Variants in ADGRL4 observed in about 807,000 individuals in gnomAD.
The protein encoded by ADGRL4 is adhesion G protein-coupled receptor L4.
In ADGRL4, 90 loss-of-function variants were observed where a neutral mutation model predicts 74.8. The ratio of observed to expected loss-of-function variants is 1.20; its 90% CI spans 1.02 to 1.43. ADGRL4 has a LOEUF of 1.43. Among genes scored for constraint, ADGRL4 ranks in the 40% most tolerant of loss-of-function variants. ADGRL4 has a pLI of 0.00. For synonymous variants in ADGRL4, 311 were observed against 279.2 expected (o/e 1.11, Z -1.14); for missense variants, 881 against 814.3 (o/e 1.08, Z -1.00).
chr1:78,944,021 C>T (rs182563059), intron 3 of ADGRL4, among the ~76,000 whole-genome samples: 6 of 152,242 alleles, frequency 3.9e-5, no homozygotes, highest in Non-Finnish European at 8.8e-5. Context: ...AAAGAGTCTT[C>T]AATTACAAAT....
At chr1:78,898,182 T>C (rs1272509532) in intron 12 of ADGRL4, among the ~76,000 whole-genome samples, 2 of 152,168 alleles carry the variant, frequency 1.3e-5, no homozygotes, top group South Asian at 2.1e-4. Flanking sequence ...CCAGAGGTGA[T>C]GACTTGGAGG....
chr1:78,983,046 C>T (rs753400083), intron 2 of ADGRL4, among the ~76,000 whole-genome samples: 15 of 151,752 alleles, frequency 9.9e-5, no homozygotes, highest in Non-Finnish European at 2.1e-4. Flanking sequence ...AATGACATGC[C>T]TATGATCATA....
At chr1:78,892,434 T>C (rs1361387179) in intron 13 of ADGRL4, among the ~76,000 whole-genome samples, 4 of 152,120 alleles carry the variant, frequency 2.6e-5, no homozygotes, top group Admixed American at 6.6e-5. Context: ...TCATTTTTAG[T>C]CCAGTCATTC....
chr1:78,975,300 GA>G (rs1650254540), intron 2 of ADGRL4, among the ~76,000 whole-genome samples: 1 of 152,030 alleles, frequency 6.6e-6, no homozygotes, highest in South Asian at 2.1e-4. Flanking sequence ...AGTACTTCAT[GA>G]TACTAATAAT....
chr1:78,914,410 G>A (rs957827209), intron 12 of ADGRL4, among the ~76,000 whole-genome samples: 6 of 151,804 alleles, frequency 4.0e-5, no homozygotes, highest in East Asian at 1.9e-4. Context: ...CAATTAACAC[G>A]GTGAACTTAA....
intron 3 of ADGRL4, 100 bp from the exon 4 acceptor site, chr1:78,939,358 T>G: frequency 8.8e-7 from 1 of 1,136,352 alleles, no homozygotes; most frequent in South Asian, 2.9e-5. Flanking sequence ...ATTTAAATAT[T>G]AAAAAGACAT....
intron 12 of ADGRL4, among the ~76,000 whole-genome samples, chr1:78,905,861 T>C (rs1648623735): frequency 6.6e-6 from 1 of 151,994 alleles, no homozygotes; most frequent in Non-Finnish European, 1.5e-5. Context: ...TTTCGAAAAA[T>C]TACATTTTTA....
chr1:78,936,337 T>C lies in ADGRL4; in HGVS notation c.835A>G (p.Ile279Val). Residue 279 changes from isoleucine to valine, a missense_variant, in exon 7 of 15, where the codon ATA (isoleucine) becomes GTA (valine). Transcript: ENST00000370742. ...HPHMNMDGDY[I>V]NIFPKRKAAY... Reference sequence around the variant, plus strand: ...GCTTTTCTCTTTGGAAATATATTTATGTAGTCTCCATCCATATTCATATGA... The same window carrying C: ...GCTTTTCTCTTTGGAAATATATTTACGTAGTCTCCATCCATATTCATATGA... 6.3e-7 allele frequency: 1 copy of C among 1,596,262 alleles called. No individual in the cohort carries two copies. The highest frequency in any genetic ancestry group is 1.4e-5 in the African/African-American group (1 of 73,766).
chr1:78,928,183 G>C (rs780617989), intron 7 of ADGRL4, among the ~76,000 whole-genome samples: 1 of 151,218 alleles, frequency 6.6e-6, no homozygotes, highest in African/African-American at 2.5e-5. Flanking sequence ...AATATAAGAA[G>C]GATTTTTAAA....
At chr1:78,957,429 G>A (rs1649858578) in intron 2 of ADGRL4, among the ~76,000 whole-genome samples, 2 of 152,160 alleles carry the variant, frequency 1.3e-5, no homozygotes, top group Admixed American at 6.6e-5. Flanking sequence ...AATTAAAAGT[G>A]CCACTCCAGT....
At chr1:78,958,012 T>C (rs1272385560) in intron 2 of ADGRL4, among the ~76,000 whole-genome samples, 1 of 152,098 alleles carries the variant, frequency 6.6e-6, no homozygotes, top group African/African-American at 2.4e-5. Context: ...GCTTGTGCTC[T>C]ATAAAGAAAC....
At chr1:78,975,613 G>T (rs1650261109) in intron 2 of ADGRL4, among the ~76,000 whole-genome samples, 1 of 151,618 alleles carries the variant, frequency 6.6e-6, no homozygotes, top group East Asian at 1.9e-4. Flanking sequence ...CCAACTCAGG[G>T]GTTATCTTGA....
rs1650633773 is a variant in ADGRL4 at position 78,992,755 on chromosome 1, T to C, written c.172+12315A>G. On this transcript the variant is annotated intron_variant, in intron 2 of 14. Transcript: ENST00000370742. ...CAATTTTTATGCCAGACAAATTTGA[T>C]TTGTTCCATTTTTTATCAATCCAAA... Among the ~76,000 whole-genome samples, 3 of 152,124 alleles carry C rather than the reference T, an allele frequency of 2.0e-5. No homozygotes were observed. In the South Asian group the frequency reaches 6.2e-4, roughly 31 times the overall value.
At chr1:78,902,662 A>G (rs919724798) in intron 12 of ADGRL4, among the ~76,000 whole-genome samples, 2 of 152,236 alleles carry the variant, frequency 1.3e-5, no homozygotes, top group Non-Finnish European at 2.9e-5. Context: ...ATTTATTTAC[A>G]TGCATAGCTA....
chr1:78,941,030 T>C (rs1649464724), intron 3 of ADGRL4, among the ~76,000 whole-genome samples: 1 of 152,178 alleles, frequency 6.6e-6, no homozygotes, highest in Non-Finnish European at 1.5e-5. Context: ...ATTCAAAATC[T>C]GTACTACCCA....
chr1:78,894,956 T>C (rs191127452), intron 12 of ADGRL4, among the ~76,000 whole-genome samples: 1 of 152,122 alleles, frequency 6.6e-6, no homozygotes, highest in African/African-American at 2.4e-5. Flanking sequence ...AAGTTCACAT[T>C]CATTTTGGAT....
At chr1:78,926,833 G>T (rs192685791) in intron 8 of ADGRL4, 53 bp downstream of exon 8, 108 of 1,333,894 alleles carry the variant, frequency 8.1e-5, no homozygotes, top group Non-Finnish European at 1.1e-4. Flanking sequence ...AAAGAGTCCA[G>T]TTCTCTGACT....
chr1:78,986,522 AATC>A (rs1225051946), intron 2 of ADGRL4, among the ~76,000 whole-genome samples: 5 of 151,810 alleles, frequency 3.3e-5, no homozygotes, highest in African/African-American at 1.2e-4. Context: ...GAGAAGAAAG[AATC>A]ACCTGAACTC....
chr1:78,950,256 A>T (rs1195352711), intron 2 of ADGRL4, among the ~76,000 whole-genome samples: 1 of 152,172 alleles, frequency 6.6e-6, no homozygotes, highest in Non-Finnish European at 1.5e-5. Context: ...CAAAGGAAGA[A>T]GTTTACCTAA....
Sources: gnomAD v4.1 joint callset for allele counts (sites outside exome capture counted in the v4.1 genomes callset) on GRCh38, gnomAD v4.1.1 for gene constraint, MANE v1.5 for transcripts, NCBI Gene and HGNC (gene_info 2026-07-23, HGNC 2026-07-21) for gene names.